Variants in JARID2 observed in about 807,000 individuals in gnomAD.
JARID2 encodes the protein jumonji and AT-rich interaction domain containing 2, also known as protein Jumonji.
Under a neutral mutation model 125.6 loss-of-function variants are expected in JARID2, and 21 were observed. That is an observed-to-expected ratio of 0.17 (90% CI 0.12 to 0.24). The LOEUF (loss-of-function observed/expected upper bound fraction) is 0.24. Ranked by LOEUF, JARID2 falls within the 10% of genes least tolerant of loss-of-function variation. JARID2 has a pLI of 1.00. For missense variants in JARID2, 1,303 were observed against 1,639.6 expected, an observed-to-expected ratio of 0.79 and a Z score of 3.55; for synonymous variants, 736 against 661.6, an observed-to-expected ratio of 1.11 and a Z score of -1.73.
intron 1 of JARID2, among the ~76,000 whole-genome samples, chr6:15,258,644 T>C (rs1759757937): frequency 6.6e-6 from 1 of 152,100 alleles, no homozygotes; most frequent in African/African-American, 2.4e-5. Context: ...TAGCCAGGTG[T>C]GGTGGCAAGC....
chr6:15,460,107 C>G (rs1768373192), intron 4 of JARID2, among the ~76,000 whole-genome samples: 2 of 152,112 alleles, frequency 1.3e-5, no homozygotes, highest in Admixed American at 1.3e-4. Flanking sequence ...TCTGCATATG[C>G]TTGGTTTTCT....
At chr6:15,508,590 C>T in intron 12 of JARID2, 136 bp downstream of exon 12, 1 of 617,832 alleles carries the variant, frequency 1.6e-6, no homozygotes, top group South Asian at 1.9e-5. Context: ...CAGGCCTGTC[C>T]TGCGTTCCCT....
intron 3 of JARID2, among the ~76,000 whole-genome samples, chr6:15,412,534 C>T (rs1765923418): frequency 6.6e-6 from 1 of 152,112 alleles, no homozygotes; most frequent in Non-Finnish European, 1.5e-5. Context: ...GCCTTGAACT[C>T]CCAGCCTCAA....
intron 3 of JARID2, among the ~76,000 whole-genome samples, chr6:15,413,008 G>GTTTTTGTTTTT (rs1765958811): frequency 4.8e-4 from 23 of 47,490 alleles, no homozygotes; most frequent in South Asian, 1.3e-3. Flanking sequence ...TTGTGTTTTT[G>GTTTTTGTTTTT]TTTTTTTTTT....
At chr6:15,497,314 C>T (rs1434508588) in intron 7 of JARID2, 144 bp downstream of exon 7, 3 of 680,784 alleles carry the variant, frequency 4.4e-6, no homozygotes, top group Non-Finnish European at 7.4e-6. Context: ...CTTCTCAGCT[C>T]ATTCCCCCTG....
chr6:15,421,170 T>C (rs941515912), intron 3 of JARID2, among the ~76,000 whole-genome samples: 28 of 152,164 alleles, frequency 1.8e-4, no homozygotes, highest in Non-Finnish European at 5.9e-5. Context: ...GGCAGTGAGC[T>C]GGAGGGATCA....
chr6:15,473,827 G>T (rs1004263811), intron 5 of JARID2, among the ~76,000 whole-genome samples: 1 of 152,280 alleles, frequency 6.6e-6, no homozygotes, highest in Non-Finnish European at 1.5e-5. Flanking sequence ...CAGGATGTCA[G>T]TGCTTCCTTA....
chr6:15,348,791 A>C (rs1326206621), intron 1 of JARID2, among the ~76,000 whole-genome samples: 2 of 152,216 alleles, frequency 1.3e-5, no homozygotes, highest in Non-Finnish European at 2.9e-5. Flanking sequence ...TAGCGTGGGG[A>C]GCTCTAACCA....
At chr6:15,307,266 T>C (rs1226338801) in intron 1 of JARID2, among the ~76,000 whole-genome samples, 2 of 151,998 alleles carry the variant, frequency 1.3e-5, no homozygotes, top group East Asian at 3.9e-4. Context: ...CATTTTTTCC[T>C]GTTGCCCAGA....
intron 3 of JARID2, among the ~76,000 whole-genome samples, chr6:15,422,943 C>T (rs1766564034): frequency 6.6e-6 from 1 of 151,256 alleles, no homozygotes; most frequent in African/African-American, 2.4e-5. Flanking sequence ...ATGGGTTAGG[C>T]CTACTTGACT....
intron 3 of JARID2, among the ~76,000 whole-genome samples, chr6:15,421,865 C>G (rs1006549438): frequency 6.6e-6 from 1 of 152,160 alleles, no homozygotes; most frequent in Non-Finnish European, 1.5e-5. Flanking sequence ...GAACTGGGGT[C>G]TGGCCTGGTC....
chr6:15,360,016 T>TA (rs1763737144), intron 1 of JARID2, among the ~76,000 whole-genome samples: 1 of 152,178 alleles, frequency 6.6e-6, no homozygotes, highest in Non-Finnish European at 1.5e-5. Flanking sequence ...CCTCCACTGT[T>TA]ACATTAGCAA....
chr6:15,426,364 C>G (rs1449614237), intron 3 of JARID2, among the ~76,000 whole-genome samples: 1 of 152,070 alleles, frequency 6.6e-6, no homozygotes, highest in Non-Finnish European at 1.5e-5. Context: ...TTTTCTTTAC[C>G]AAGATGGTGA....
intron 1 of JARID2, among the ~76,000 whole-genome samples, chr6:15,267,096 T>C (rs138969368): frequency 3.9e-5 from 6 of 152,364 alleles, no homozygotes; most frequent in African/African-American, 1.4e-4. Flanking sequence ...TGCTGACATA[T>C]TGCAACTTAC....
intron 8 of JARID2, among the ~76,000 whole-genome samples, chr6:15,502,157 C>T (rs1475728447): frequency 2.0e-5 from 3 of 152,232 alleles, no homozygotes; most frequent in Non-Finnish European, 4.4e-5. Flanking sequence ...CCAGGTCTCC[C>T]GGCAGCACAC....
chr6:15,376,671 C>G (rs1764366924), intron 2 of JARID2, among the ~76,000 whole-genome samples: 1 of 152,210 alleles, frequency 6.6e-6, no homozygotes, highest in Admixed American at 6.5e-5. Context: ...CTGCATTGAG[C>G]TATGTTCACA....
Position 15,246,221 on chromosome 6 carries a change from G to A in JARID2, c.-319G>A, listed in dbSNP as rs189892747. The A allele has an allele frequency of 1.5e-5, 7 of 471,548 alleles. No individual in the cohort carries two copies. Among genetic ancestry groups the A allele is most frequent in the South Asian group, 8.1e-5 (2 of 24,744 alleles). 29.2% of individuals were successfully genotyped at this position (471,548 alleles called of 1,614,324 possible). On this transcript the variant is annotated 5_prime_UTR_variant, in exon 1 of 18. Transcript: ENST00000341776. ...CTGATGTAGTTTTTGGAGGAAAAAG[G>A]GGGGGGAGTGAAGGGCGTCGGTTTT...
intron 1 of JARID2, chr6:15,247,804 C>G: frequency 1.0e-6 from 1 of 985,306 alleles, no homozygotes; most frequent in Non-Finnish European, 1.2e-6. Context: ...TAATCAAGCC[C>G]AACTTAGAAA....
intron 3 of JARID2, among the ~76,000 whole-genome samples, chr6:15,438,340 C>G (rs930262726): frequency 6.6e-6 from 1 of 152,136 alleles, no homozygotes; most frequent in Non-Finnish European, 1.5e-5. Context: ...ATCCCCCCTC[C>G]CAGTGCCTGT....
Sources: gnomAD v4.1 joint callset for allele counts (sites outside exome capture counted in the v4.1 genomes callset) on GRCh38, gnomAD v4.1.1 for gene constraint, MANE v1.5 for transcripts, NCBI Gene and HGNC (gene_info 2026-07-23, HGNC 2026-07-21) for gene names.